MAP3K7: variants seen among roughly 807,000 people sequenced by gnomAD.
The protein encoded by MAP3K7 is mitogen-activated protein kinase kinase kinase 7, also known as TGF-beta activated kinase 1.
A neutral mutation model predicts 84.8 loss-of-function variants in MAP3K7; 21 were observed. The ratio of observed to expected loss-of-function variants is 0.25; its 90% CI spans 0.18 to 0.36. The LOEUF (loss-of-function observed/expected upper bound fraction) is 0.36, where lower values mean the gene tolerates loss of function less well. MAP3K7 is among the 10% of genes least tolerant of loss of function. The pLI, the probability that MAP3K7 is intolerant of heterozygous loss-of-function variation, is 1.00. For synonymous variants in MAP3K7, 241 were observed against 247.7 expected (o/e 0.97, Z 0.25); for missense variants, 503 against 747.7 (o/e 0.67, Z 3.82).
At chr6:90,520,646 A>G (rs1310427835) in intron 14 of MAP3K7, among the ~76,000 whole-genome samples, 1 of 152,106 alleles carries the variant, frequency 6.6e-6, no homozygotes, top group African/African-American at 2.4e-5. Flanking sequence ...TTGCAGGGCA[A>G]TACAGAAAAA....
At position 90,586,848 on chromosome 6, in the gene MAP3K7, C is replaced by CGAG. The variant is rs745452796; in HGVS notation, c.33_35dup (p.Ser14dup). On this transcript the variant is annotated inframe_insertion, in exon 1 of 17. Transcript: ENST00000369329. ...CTTCGATCATCTCACCGGCCGAAGACGAGGAGGAGGAGGAGGCGGCAGAGG... is the reference window on the plus strand; with the variant it reads ...CTTCGATCATCTCACCGGCCGAAGACGAGGAGGAGGAGGAGGAGGCGGCAGAGG... 6.8e-6 allele frequency: 11 copies of CGAG among 1,609,070 alleles called. No homozygotes were observed. Among genetic ancestry groups the CGAG allele is most frequent in the African/African-American group, 2.7e-5 (2 of 74,400 alleles).
intron 15 of MAP3K7, among the ~76,000 whole-genome samples, chr6:90,518,972 T>C (rs1459625056): frequency 6.6e-6 from 1 of 151,866 alleles, no homozygotes; most frequent in Non-Finnish European, 1.5e-5. Context: ...GAGTTTTGTT[T>C]TAATGCACTA....
intron 6 of MAP3K7, among the ~76,000 whole-genome samples, chr6:90,554,887 T>C (rs766078842): frequency 6.6e-6 from 1 of 152,266 alleles, no homozygotes; most frequent in Non-Finnish European, 1.5e-5. Flanking sequence ...AATTGAATTT[T>C]AGGGCAAAAG....
At chr6:90,523,825 G>T (rs1275139223) in intron 13 of MAP3K7, 42 bp from the exon 14 acceptor site, 3 of 1,180,260 alleles carry the variant, frequency 2.5e-6, no homozygotes, top group South Asian at 1.2e-5. Context: ...GTGATTTTTT[G>T]ATTAAAAAAA....
chr6:90,540,642 T>C (rs1775826774), intron 12 of MAP3K7, among the ~76,000 whole-genome samples: 2 of 151,920 alleles, frequency 1.3e-5, no homozygotes, highest in African/African-American at 4.8e-5. Flanking sequence ...TTCCAGTAGA[T>C]TTTAGAATGC....
intron 14 of MAP3K7, among the ~76,000 whole-genome samples, chr6:90,520,467 C>A (rs770083532): frequency 6.6e-6 from 1 of 151,712 alleles, no homozygotes; most frequent in African/African-American, 2.4e-5. Flanking sequence ...GAAATCAGAC[C>A]AAATGAGCCA....
intron 3 of MAP3K7, among the ~76,000 whole-genome samples, chr6:90,566,872 C>T (rs947678316): frequency 2.6e-5 from 4 of 151,958 alleles, no homozygotes; most frequent in Admixed American, 6.6e-5. Flanking sequence ...GAGATATAGA[C>T]CAATGGAACA....
At position 90,581,136 on chromosome 6, in the gene MAP3K7, T is replaced by C. The variant is rs532394156; in HGVS notation, c.120+5628A>G. Among the ~76,000 whole-genome samples the C allele has an allele frequency of 2.1e-4, 32 of 152,350 alleles. No homozygotes were observed. In the South Asian group the frequency reaches 6.0e-3, roughly 29 times the overall value. ...CCTTTAAAAATTAATTTCTTTATGATGTAAGATGACTCCATTCCTTCAGAC... is the reference window on the plus strand; with the variant it reads ...CCTTTAAAAATTAATTTCTTTATGACGTAAGATGACTCCATTCCTTCAGAC... On this transcript the variant is annotated intron_variant, in intron 1 of 16. Coordinates refer to ENST00000369329, the MANE Select transcript of MAP3K7 (RefSeq NM_145331.3).
At position 90,558,319 on chromosome 6, in the gene MAP3K7, C is replaced by T. The variant is rs35487103; in HGVS notation, c.483-1695G>A. On this transcript the variant is annotated intron_variant, in intron 5 of 16. Transcript: ENST00000369329. ...CCTGGGCGACAGAGCGAGACTGTGT[C>T]TCAAAATAAAAAATAATAATAATAA... 6.9e-3 allele frequency among the ~76,000 whole-genome samples: 1,046 copies of T among 151,404 alleles called. 17 individuals carry two copies. The highest frequency in any genetic ancestry group is 0.024 in the African/African-American group (994 of 41,226).
intron 13 of MAP3K7, among the ~76,000 whole-genome samples, chr6:90,532,549 C>T (rs1775542181): frequency 6.6e-6 from 1 of 152,144 alleles, no homozygotes; most frequent in African/African-American, 2.4e-5. Flanking sequence ...ATGTAATATG[C>T]CCACTTCTCT....
intron 4 of MAP3K7, among the ~76,000 whole-genome samples, chr6:90,561,318 G>C (rs1776507252): frequency 6.6e-6 from 1 of 151,670 alleles, no homozygotes; most frequent in Non-Finnish European, 1.5e-5. Flanking sequence ...AAAGTTATGA[G>C]AGGGCAAAAA....
intron 9 of MAP3K7, 45 bp from the exon 10 acceptor site, chr6:90,548,222 C>T: frequency 6.5e-7 from 1 of 1,544,068 alleles, no homozygotes; most frequent in South Asian, 1.2e-5. Context: ...GGAAATAATA[C>T]AAATGCTTCA....
Position 90,535,308 on chromosome 6 carries a change from C to T in MAP3K7, c.1356+1029G>A, listed in dbSNP as rs569760906. The stretch of plus-strand genomic sequence containing the variant: ...TACAAATGATATAATAATAAAATAC[C>T]TTTTTAGGATGACAAGTACTAATAC... On this transcript the variant is annotated intron_variant, in intron 13 of 16. Coordinates refer to ENST00000369329, the MANE Select transcript of MAP3K7 (RefSeq NM_145331.3). 4.6e-5 allele frequency among the ~76,000 whole-genome samples: 7 copies of T among 151,476 alleles called. No homozygotes were observed. In the South Asian group the frequency reaches 1.5e-3, roughly 32 times the overall value.
chr6:90,546,450 TG>T (rs1389502671), intron 11 of MAP3K7, among the ~76,000 whole-genome samples: 1 of 152,184 alleles, frequency 6.6e-6, no homozygotes, highest in Non-Finnish European at 1.5e-5. Flanking sequence ...GGGGTAATTA[TG>T]TAAGTTTTTT....
At position 90,513,632 on chromosome 6, in the gene MAP3K7, C is replaced by T. The variant is rs1424386311; in HGVS notation, c.*2869G>A. 1 of 152,100 alleles carries T rather than the reference C, an allele frequency of 6.6e-6. No homozygotes were observed. The highest frequency in any genetic ancestry group is 1.5e-5 in the Non-Finnish European group (1 of 68,004). The allele number at this position is 152,100 out of a possible 1,614,324, so 9.4% of individuals were successfully genotyped here. A position where few individuals can be genotyped will look rare whatever the true frequency, so the allele number is the denominator to read the frequency against. Reference sequence around the variant, plus strand: ...AAACAAAAATAAATCTAAAAAGCTTCCTTCAGTTACAAATATGCACAAGAA... The same window carrying T: ...AAACAAAAATAAATCTAAAAAGCTTTCTTCAGTTACAAATATGCACAAGAA... On this transcript the variant is annotated 3_prime_UTR_variant, in exon 17 of 17. Coordinates refer to ENST00000369329, the MANE Select transcript of MAP3K7 (RefSeq NM_145331.3).
At chr6:90,566,475 GAAT>G (rs1337251996) in intron 3 of MAP3K7, among the ~76,000 whole-genome samples, 13 of 152,050 alleles carry the variant, frequency 8.5e-5, no homozygotes, top group African/African-American at 3.1e-4. Context: ...GCTTCAAAGA[GAAT>G]AAAATACCTA....
At chr6:90,553,245 C>T (rs1204856198) in intron 7 of MAP3K7, among the ~76,000 whole-genome samples, 2 of 152,056 alleles carry the variant, frequency 1.3e-5, no homozygotes, top group Non-Finnish European at 2.9e-5. Flanking sequence ...CATCCTCAGC[C>T]GCATGTGTAG....
intron 13 of MAP3K7, among the ~76,000 whole-genome samples, chr6:90,534,783 A>G (rs932140741): frequency 6.6e-6 from 1 of 152,218 alleles, no homozygotes; most frequent in Non-Finnish European, 1.5e-5. Flanking sequence ...GTCTTAGGAC[A>G]AGCTTCTCAT....
chr6:90,536,485 AT>A, intron 12 of MAP3K7, 84 bp from the exon 13 acceptor site: 1 of 947,598 alleles, frequency 1.1e-6, no homozygotes, highest in Non-Finnish European at 1.6e-6. Flanking sequence ...GAAAGTTGGA[AT>A]TTGTTGCTCC....
Sources: gnomAD v4.1 joint callset for allele counts (sites outside exome capture counted in the v4.1 genomes callset) on GRCh38, gnomAD v4.1.1 for gene constraint, MANE v1.5 for transcripts, NCBI Gene and HGNC (gene_info 2026-07-23, HGNC 2026-07-21) for gene names.